The following ZNF235 variants were observed in gnomAD, a reference collection of about 807,000 sequenced individuals.
The protein encoded by ZNF235 is zinc finger protein 235.
ZNF235 carries 25 observed loss-of-function variants against 29.4 expected under a neutral mutation model. The ratio of observed to expected loss-of-function variants is 0.85; its 90% CI spans 0.62 to 1.19. ZNF235 has a LOEUF of 1.19. Among genes scored for constraint, ZNF235 ranks in the 50% most tolerant of loss-of-function variants. The probability of loss-of-function intolerance (pLI) is 0.00; values close to 1 mark genes in which losing one functional copy is unlikely to be tolerated. For missense variants in ZNF235, 788 were observed against 885.0 expected, an observed-to-expected ratio of 0.89 and a Z score of 1.39; for synonymous variants, 300 against 295.3, an observed-to-expected ratio of 1.02 and a Z score of -0.16.
chr19:44,304,417 T>C (rs1033846980), intron 1 of ZNF235, among the ~76,000 whole-genome samples: 2 of 152,114 alleles, frequency 1.3e-5, no homozygotes, highest in African/African-American at 4.8e-5. Context: ...AACAAGAGGC[T>C]AGAAAAGTCC....
rs763170983 is a variant in ZNF235, at chr19:44,298,887, T to C, written c.159A>G (p.Lys53=). 1 of 1,613,190 alleles carries C rather than the reference T, an allele frequency of 6.2e-7. No homozygotes were observed. The highest frequency in any genetic ancestry group is 8.5e-7 in the Non-Finnish European group (1 of 1,179,228). ...NLVSVGHQSF[K]PDMISQLERE... ...TCTCCAACTGGGATATCATATCTGG[T>C]TTGAAGGACTGATGTCCTATAAAAA... Residue 53 remains lysine (K), a synonymous_variant, in exon 4 of 5, where the codon AAA becomes AAG. Coordinates refer to ENST00000291182, the MANE Select transcript of ZNF235 (RefSeq NM_004234.4).
At position 44,288,455 on chromosome 19, in the gene ZNF235, C is replaced by T; in HGVS notation, c.980G>A (p.Gly327Asp). Reference protein sequence around the residue: ...KRYWCHECGKGFSQSSNLQTH... With the variant: ...KRYWCHECGKDFSQSSNLQTH... The stretch of plus-strand genomic sequence containing the variant: ...TTGCAGATTTGAGCTCTGACTGAAA[C>T]CTTTACCACATTCATGACACCAATA... The change falls in exon 5 of 5, where the codon GGT becomes GAT. Residue 327 changes from glycine to aspartate, a missense_variant. Transcript: ENST00000291182. 1.2e-6 allele frequency: 2 copies of T among 1,614,214 alleles called. No homozygotes were observed. Among genetic ancestry groups the T allele is most frequent in the South Asian group, 2.2e-5 (2 of 91,084 alleles).
chr19:44,300,197 A>G (rs546353566), intron 2 of ZNF235, among the ~76,000 whole-genome samples: 2 of 152,256 alleles, frequency 1.3e-5, no homozygotes, highest in South Asian at 2.1e-4. Flanking sequence ...GGGTCTATCC[A>G]TTGCTAGTTT....
In ZNF235 at chr19:44,287,966, T is replaced by C; in HGVS notation, c.1469A>G (p.Glu490Gly). ...VHTGEKPYKC[E>G]ECGKGFSSAS... Reference sequence around the variant, plus strand: ...TGAACTAAAACCCTTACCACACTCTTCACATTTATATGGTTTTTCTCCTGT... The same window carrying C: ...TGAACTAAAACCCTTACCACACTCTCCACATTTATATGGTTTTTCTCCTGT... The change falls in exon 5 of 5, where the codon GAA becomes GGA. Residue 490 changes from glutamate (E) to glycine (G), a missense_variant. Coordinates refer to ENST00000291182, the MANE Select transcript of ZNF235 (RefSeq NM_004234.4). 2.5e-6 allele frequency: 4 copies of C among 1,614,174 alleles called. No individual in the cohort carries two copies. Among genetic ancestry groups the C allele is most frequent in the Non-Finnish European group, 3.4e-6 (4 of 1,180,032 alleles).
At chr19:44,295,621 G>A (rs940245912) in intron 4 of ZNF235, among the ~76,000 whole-genome samples, 1 of 152,056 alleles carries the variant, frequency 6.6e-6, no homozygotes, top group Non-Finnish European at 1.5e-5. Context: ...CCAAAAAAGA[G>A]CCTGAATAGA....
At position 44,298,502 on chromosome 19, in the gene ZNF235, C is replaced by A. The variant is rs142270998; in HGVS notation, c.238+306G>T. On this transcript the variant is annotated intron_variant, in intron 4 of 4. Coordinates refer to ENST00000291182, the MANE Select transcript of ZNF235 (RefSeq NM_004234.4). ...CCCACGCCTCCCAGGTTCAAGCAAT[C>A]CCCCCATCTCAGCCTCCTGAGTAGC... Among the ~76,000 whole-genome samples, 302 of 152,102 alleles carry A rather than the reference C, an allele frequency of 2.0e-3. 1 individual carries two copies. Among genetic ancestry groups the A allele is most frequent in the African/African-American group, 7.0e-3 (289 of 41,512 alleles).
In ZNF235 at chr19:44,299,718, G is replaced by C. The variant is rs1192693192; in HGVS notation, c.30C>G (p.Phe10Leu). 1 of 1,614,014 alleles carries C rather than the reference G, an allele frequency of 6.2e-7. No homozygotes were observed. Among genetic ancestry groups the C allele is most frequent in the South Asian group, 1.1e-5 (1 of 91,082 alleles). ...CAGTGAAGGCCACAGCCACATCCTT[G>C]AATGTCACTGCCTCCTAGAACATCA... Reference protein sequence around the residue: MTKFQEAVTFKDVAVAFTEE... With the variant: MTKFQEAVTLKDVAVAFTEE... The change falls in exon 3 of 5, where the codon TTC becomes TTG. Residue 10 changes from phenylalanine to leucine, a missense_variant. Coordinates refer to ENST00000291182, the MANE Select transcript of ZNF235 (RefSeq NM_004234.4).
chr19:44,289,272 T>G lies in ZNF235; in HGVS notation c.239-76A>C, dbSNP rs538734793. ...CAAAGTAGAGAATTAAGATCTAAGC[T>G]CTCATTTTCCCCATGGAAACGTCAA... is the stretch of plus-strand genomic sequence containing the variant. On this transcript the variant is annotated intron_variant, in intron 4 of 4. Transcript: ENST00000291182. 4 of 1,337,120 alleles carry G rather than the reference T, an allele frequency of 3.0e-6. No homozygotes were observed. In the African/African-American group the frequency reaches 5.9e-5, roughly 20 times the overall value. The allele number at this position is 1,337,120 out of a possible 1,614,324, so 82.8% of individuals were successfully genotyped here.
chr19:44,287,421 C>T lies in ZNF235; in HGVS notation c.2014G>A (p.Ala672Thr), dbSNP rs1261102890. The change falls in exon 5 of 5, where the codon GCC becomes ACC. Residue 672 changes from alanine (A) to threonine (T), a missense_variant. Ala to Thr is a moderately conservative substitution (Grantham distance 58, BLOSUM62 0). Transcript: ENST00000291182. Reference protein sequence around the residue: ...KEFSWSAGLSAHQRVHTGEKP... With the variant: ...KEFSWSAGLSTHQRVHTGEKP... ...TCTCCTGTGTGGACCCTCTGATGGG[C>T]ACTGAGACCAGCACTCCAACTGAAT... 2 of 1,612,012 alleles carry T rather than the reference C, an allele frequency of 1.2e-6. No homozygotes were observed. Among genetic ancestry groups the T allele is most frequent in the Non-Finnish European group, 1.7e-6 (2 of 1,179,482 alleles).
intron 4 of ZNF235, among the ~76,000 whole-genome samples, chr19:44,292,307 G>T (rs1975595017): frequency 1.3e-5 from 2 of 151,500 alleles, no homozygotes; most frequent in African/African-American, 4.8e-5. Context: ...AGATACAAAA[G>T]AAATTTGAAA....
In ZNF235 at chr19:44,298,790, C is replaced by T. The variant is rs201499477; in HGVS notation, c.238+18G>A. ...AAATAACAGCTGTTAACTACGATTC[C>T]GGCTGCACAGTACTCACCTGAATGC... On this transcript the variant is annotated intron_variant, in intron 4 of 4. Transcript: ENST00000291182. The T allele has an allele frequency of 2.3e-4, 364 of 1,565,344 alleles. 4 individuals carry two copies. In the South Asian group the frequency reaches 3.1e-3, roughly 13 times the overall value.
rs772200453 is a variant in ZNF235 at position 44,303,441 on chromosome 19, G to T, written c.-37C>A. 5.0e-6 allele frequency: 8 copies of T among 1,607,012 alleles called. No homozygotes were observed. The highest frequency in any genetic ancestry group is 6.0e-6 in the Non-Finnish European group (7 of 1,175,828). ...TCCTTCTGGGAAAAGGCAGAGTTCC[G>T]GGGAAGTGAACCTGAGGGAGGGAAA... On this transcript the variant is annotated 5_prime_UTR_variant, in exon 2 of 5. Coordinates refer to ENST00000291182, the MANE Select transcript of ZNF235 (RefSeq NM_004234.4).
chr19:44,288,177 C>T lies in ZNF235; in HGVS notation c.1258G>A (p.Ala420Thr), dbSNP rs1274884832. 1 of 1,613,688 alleles carries T rather than the reference C, an allele frequency of 6.2e-7. No individual in the cohort carries two copies. The highest frequency in any genetic ancestry group is 2.2e-5 in the East Asian group (1 of 44,822). Residue 420 changes from alanine (A) to threonine (T), a missense_variant, in exon 5 of 5, where the codon GCC becomes ACC. Coordinates refer to ENST00000291182, the MANE Select transcript of ZNF235 (RefSeq NM_004234.4). ...KGFTQRSHLQ[A>T]HERIHTGEKP... ...TCTCCAGTGTGAATTCTTTCATGGG[C>T]CTGAAGATGTGATCTCTGAGTGAAG...
chr19:44,302,180 A>G (rs1238390542), intron 2 of ZNF235, among the ~76,000 whole-genome samples: 1 of 152,192 alleles, frequency 6.6e-6, no homozygotes, highest in Non-Finnish European at 1.5e-5. Context: ...TGAGAAAATG[A>G]GTCTAAAACT....
chr19:44,291,876 T>G (rs1975589341), intron 4 of ZNF235, among the ~76,000 whole-genome samples: 1 of 151,996 alleles, frequency 6.6e-6, no homozygotes, highest in South Asian at 2.1e-4. Context: ...AATGAAAAGG[T>G]GTAAATACTT....
Position 44,289,135 on chromosome 19 carries a change from C to T in ZNF235, c.300G>A (p.Leu100=). 3.1e-6 allele frequency: 5 copies of T among 1,614,052 alleles called. No individual in the cohort carries two copies. Among genetic ancestry groups the T allele is most frequent in the Non-Finnish European group, 4.2e-6 (5 of 1,180,000 alleles). Residue 100 remains leucine (L), a synonymous_variant, in exon 5 of 5, where the codon CTG becomes CTA. Coordinates refer to ENST00000291182, the MANE Select transcript of ZNF235 (RefSeq NM_004234.4). ...TGATTTGCCAGCATGAAAGCTCTCC[C>T]AGTGAAAAGCACCTTAATCCTGCTT... The part of the protein sequence containing the change: ...LHKAGLRCFS[L]GELSCWQIKR...
At chr19:44,304,319 T>G (rs960179494) in intron 1 of ZNF235, among the ~76,000 whole-genome samples, 2 of 152,210 alleles carry the variant, frequency 1.3e-5, no homozygotes. Flanking sequence ...CCTCTGGCAC[T>G]CTGCAAATCC....
intron 2 of ZNF235, among the ~76,000 whole-genome samples, chr19:44,302,828 A>G (rs1408233521): frequency 6.9e-6 from 1 of 145,498 alleles, no homozygotes; most frequent in Admixed American, 7.0e-5. Context: ...TTATATATAT[A>G]TAACTATATA....
chr19:44,288,038 T>C lies in ZNF235; in HGVS notation c.1397A>G (p.Lys466Arg), dbSNP rs1348798027. Residue 466 changes from lysine to arginine, a missense_variant, in exon 5 of 5, where the codon AAG (lysine) becomes AGG (arginine). By Grantham distance (26) the Lys-to-Arg change is conservative (BLOSUM62 2). Coordinates refer to ENST00000291182, the MANE Select transcript of ZNF235 (RefSeq NM_004234.4). ...EKPYKCDECG[K>R]CFSLSFNLHS... is the part of the protein sequence containing the mutation. ...AAGATTAAAGCTCAAACTAAAGCAC[T>C]TACCACACTCATCACATTTGTATGG... 1 of 1,614,120 alleles carries C rather than the reference T, an allele frequency of 6.2e-7. No homozygotes were observed. Among genetic ancestry groups the C allele is most frequent in the South Asian group, 1.1e-5 (1 of 91,080 alleles).
Sources: gnomAD v4.1 joint callset for allele counts (sites outside exome capture counted in the v4.1 genomes callset) on GRCh38, gnomAD v4.1.1 for gene constraint, MANE v1.5 for transcripts, NCBI Gene and HGNC (gene_info 2026-07-23, HGNC 2026-07-21) for gene names.